Variants in POU6F2 observed in about 807,000 individuals in gnomAD.
The protein encoded by POU6F2 is POU domain, class 6, transcription factor 2.
In POU6F2, 31 loss-of-function variants were observed where a neutral mutation model predicts 71.3. The ratio of observed to expected loss-of-function variants is 0.43; its 90% CI spans 0.33 to 0.59. The LOEUF (loss-of-function observed/expected upper bound fraction) is 0.59, where lower values mean the gene tolerates loss of function less well. POU6F2 is among the 20% of genes least tolerant of loss of function. POU6F2 has a pLI of 0.04. For synonymous variants in POU6F2, 347 were observed against 355.7 expected, an observed-to-expected ratio of 0.98 and a Z score of 0.27; for missense variants, 783 against 856.8, an observed-to-expected ratio of 0.91 and a Z score of 1.07.
At chr7:39,167,204 T>C (rs977377261) in intron 2 of POU6F2, among the ~76,000 whole-genome samples, 2 of 152,112 alleles carry the variant, frequency 1.3e-5, no homozygotes, top group African/African-American at 2.4e-5. Context: ...CATATGTATA[T>C]GAATATAATT....
At chr7:39,333,693 G>A (rs1785705735) in intron 4 of POU6F2, among the ~76,000 whole-genome samples, 1 of 152,160 alleles carries the variant, frequency 6.6e-6, no homozygotes, top group Non-Finnish European at 1.5e-5. Context: ...AGCCAAGATT[G>A]TGCCACTGCA....
chr7:39,130,577 T>C (rs904579445), intron 2 of POU6F2, among the ~76,000 whole-genome samples: 4 of 152,200 alleles, frequency 2.6e-5, no homozygotes, highest in African/African-American at 9.7e-5. Context: ...GATTCCTTCA[T>C]AGATTGTGTT....
chr7:39,289,565 A>G (rs1423326060), intron 4 of POU6F2, among the ~76,000 whole-genome samples: 4 of 152,046 alleles, frequency 2.6e-5, no homozygotes, highest in African/African-American at 7.2e-5. Flanking sequence ...ATCAACTTTC[A>G]CTAATAGGTC....
At chr7:39,417,997 A>G (rs1787720040) in intron 6 of POU6F2, among the ~76,000 whole-genome samples, 1 of 152,226 alleles carries the variant, frequency 6.6e-6, no homozygotes, top group Non-Finnish European at 1.5e-5. Context: ...GCAGCTATTT[A>G]TGTGCCAAGC....
At chr7:39,113,475 A>C (rs1791865162) in intron 2 of POU6F2, among the ~76,000 whole-genome samples, 1 of 152,196 alleles carries the variant, frequency 6.6e-6, no homozygotes, top group Non-Finnish European at 1.5e-5. Flanking sequence ...ATGCAAGGAA[A>C]TGACATAATC....
intron 6 of POU6F2, among the ~76,000 whole-genome samples, chr7:39,411,911 G>A (rs576377035): frequency 3.3e-5 from 5 of 152,316 alleles, no homozygotes; most frequent in African/African-American, 1.2e-4. Context: ...CAACTGGAAG[G>A]CCATCCCAAT....
chr7:39,015,739 A>G (rs1301154407), intron 1 of POU6F2, among the ~76,000 whole-genome samples: 2 of 51,854 alleles, frequency 3.9e-5, no homozygotes, highest in African/African-American at 1.4e-4. Flanking sequence ...ACATATAGAT[A>G]TATATTATAT....
chr7:39,070,359 A>G (rs1790852326), intron 1 of POU6F2, among the ~76,000 whole-genome samples: 1 of 152,024 alleles, frequency 6.6e-6, no homozygotes, highest in African/African-American at 2.4e-5. Flanking sequence ...TAGTGCTTAA[A>G]CTACCAGGCA....
chr7:39,030,543 T>TATATATGTATAC (rs1491146903), intron 1 of POU6F2, among the ~76,000 whole-genome samples: 2,656 of 87,858 alleles, frequency 0.03, 268 homozygotes, highest in East Asian at 0.064. Context: ...TATATATATA[T>TATATATGTATAC]ACACACACAT....
intron 2 of POU6F2, among the ~76,000 whole-genome samples, chr7:39,088,962 C>G (rs1791310673): frequency 6.6e-6 from 1 of 152,136 alleles, no homozygotes; most frequent in African/African-American, 2.4e-5. Context: ...GCCTTTTATG[C>G]CTCTCCTTAA....
chr7:39,269,109 T>C (rs1226703071), intron 4 of POU6F2, among the ~76,000 whole-genome samples: 1 of 152,232 alleles, frequency 6.6e-6, no homozygotes, highest in Non-Finnish European at 1.5e-5. Flanking sequence ...TATTGATTTT[T>C]TTAGAAAGTC....
chr7:39,272,697 G>T (rs1784362603), intron 4 of POU6F2, among the ~76,000 whole-genome samples: 1 of 152,218 alleles, frequency 6.6e-6, no homozygotes, highest in Non-Finnish European at 1.5e-5. Context: ...ATTTGCTAAT[G>T]TGGGACTTTT....
chr7:39,383,616 C>T (rs1432581735), intron 5 of POU6F2, among the ~76,000 whole-genome samples: 4 of 152,128 alleles, frequency 2.6e-5, no homozygotes, highest in African/African-American at 7.2e-5. Flanking sequence ...CTCAGAGATG[C>T]TTAACCATTG....
intron 2 of POU6F2, among the ~76,000 whole-genome samples, chr7:39,155,472 G>C (rs907640917): frequency 1.3e-5 from 2 of 152,164 alleles, no homozygotes; most frequent in African/African-American, 4.8e-5. Flanking sequence ...ATAAGAGAAT[G>C]ATTTGTTGAA....
chr7:39,196,761 GAAA>G (rs895522103), intron 2 of POU6F2, among the ~76,000 whole-genome samples: 8 of 141,438 alleles, frequency 5.7e-5, no homozygotes, highest in African/African-American at 2.6e-5. Flanking sequence ...TCCATCTCAA[GAAA>G]AAAAAAAAGA....
At chr7:39,436,674 T>G (rs1788252596) in intron 7 of POU6F2, among the ~76,000 whole-genome samples, 1 of 152,164 alleles carries the variant, frequency 6.6e-6, no homozygotes, top group Admixed American at 6.5e-5. Context: ...ATAGGAGTGG[T>G]GAGAGAGGGC....
At chr7:39,355,677 C>T (rs1472845450) in intron 5 of POU6F2, among the ~76,000 whole-genome samples, 3 of 152,192 alleles carry the variant, frequency 2.0e-5, no homozygotes, top group Non-Finnish European at 4.4e-5. Flanking sequence ...CCCAGCCCCC[C>T]AGCCTTCGCC....
At chr7:39,430,406 C>G (rs1173002825) in intron 6 of POU6F2, among the ~76,000 whole-genome samples, 2 of 152,220 alleles carry the variant, frequency 1.3e-5, no homozygotes, top group African/African-American at 4.8e-5. Flanking sequence ...TCTGACACTA[C>G]TGTTATCCTA....
chr7:39,023,441 A>G (rs1789725157), intron 1 of POU6F2, among the ~76,000 whole-genome samples: 1 of 152,040 alleles, frequency 6.6e-6, no homozygotes. Context: ...CGCAACGTCT[A>G]GAGACATTTT....
Sources: allele counts gnomAD v4.1 joint callset (sites outside exome capture counted in the v4.1 genomes callset), GRCh38; gene constraint gnomAD v4.1.1; transcripts MANE v1.5; gene names NCBI Gene and HGNC (gene_info 2026-07-23, HGNC 2026-07-21).